LRP12: variants seen among roughly 807,000 people sequenced by gnomAD.
LRP12 encodes the protein low-density lipoprotein receptor-related protein 12.
In LRP12, 14 loss-of-function variants were observed where a neutral mutation model predicts 66.0. The ratio of observed to expected loss-of-function variants is 0.21; its 90% CI spans 0.14 to 0.33. The LOEUF is 0.33. Among genes scored for constraint, LRP12 ranks in the 10% least tolerant of loss-of-function variants. The pLI is 1.00. For synonymous variants in LRP12, 357 were observed against 359.1 expected, an observed-to-expected ratio of 0.99 and a Z score of 0.07; for missense variants, 889 against 1,053.4, an observed-to-expected ratio of 0.84 and a Z score of 2.16.
At chr8:104,555,712 T>C (rs952564835) in intron 1 of LRP12, among the ~76,000 whole-genome samples, 1 of 152,086 alleles carries the variant, frequency 6.6e-6, no homozygotes, top group African/African-American at 2.4e-5. Flanking sequence ...ACAATATTAG[T>C]GGCAGACTTC....
In LRP12 at chr8:104,518,516, T is replaced by A. The variant is rs537854978; in HGVS notation, c.137-9442A>T. Among the ~76,000 whole-genome samples the A allele has an allele frequency of 3.9e-5, 6 of 152,162 alleles. No homozygotes were observed. The East Asian group carries it at 1.2e-3, about 29-fold the overall frequency. On this transcript the variant is annotated intron_variant, in intron 2 of 6. Coordinates refer to ENST00000276654, the MANE Select transcript of LRP12 (RefSeq NM_013437.5). The stretch of plus-strand genomic sequence containing the variant: ...GTGGAAGGGAGCCGTTTCAATAGCA[T>A]TTAAATGACAAAAGTGGTCTATTCT...
At chr8:104,547,653 ATATAATATAATTC>A (rs1811611148) in intron 1 of LRP12, among the ~76,000 whole-genome samples, 1 of 118,948 alleles carries the variant, frequency 8.4e-6, no homozygotes, top group African/African-American at 3.7e-5. Context: ...AATAATTAAA[ATATAATATAATTC>A]TATATTATAT....
chr8:104,495,122 A>G lies in LRP12; in HGVS notation c.1668T>C (p.Gly556=). 1.2e-6 allele frequency: 2 copies of G among 1,613,954 alleles called. No individual in the cohort carries two copies. The highest frequency in any genetic ancestry group is 8.5e-7 in the Non-Finnish European group (1 of 1,179,914). ...PPSYGQLIAQ[G]LIPPVEDFPV... is the part of the protein sequence containing the mutation. ...GAAAATCTTCAACTGGTGGAATTAA[A>G]CCCTGAGCAATCAATTGTCCATACG... The change falls in exon 6 of 7, where the codon GGT becomes GGC. Residue 556 remains glycine (G), a synonymous_variant. Transcript: ENST00000276654.
chr8:104,500,783 C>T (rs1157549886), intron 3 of LRP12, among the ~76,000 whole-genome samples: 1 of 152,004 alleles, frequency 6.6e-6, no homozygotes, highest in Non-Finnish European at 1.5e-5. Context: ...ACAAGAATTT[C>T]TCTAGGACAA....
chr8:104,535,513 T>C (rs1248279810), intron 1 of LRP12, among the ~76,000 whole-genome samples: 1 of 152,036 alleles, frequency 6.6e-6, no homozygotes, highest in East Asian at 1.9e-4. Flanking sequence ...TATATATTTC[T>C]GTCCTTTTTA....
chr8:104,506,995 G>A (rs116940182), intron 3 of LRP12: 2 of 151,986 alleles, frequency 1.3e-5, no homozygotes, highest in Non-Finnish European at 1.5e-5. Context: ...ATGCTTCAAA[G>A]CATCTGTGTA....
intron 1 of LRP12, among the ~76,000 whole-genome samples, chr8:104,552,226 T>C (rs986837650): frequency 2.6e-5 from 4 of 152,186 alleles, no homozygotes; most frequent in Non-Finnish European, 5.9e-5. Flanking sequence ...GACTTTGCTC[T>C]GCATTAGCTT....
At chr8:104,498,217 T>A in intron 4 of LRP12, 141 bp from the exon 5 acceptor site, 14 of 789,842 alleles carry the variant, frequency 1.8e-5, no homozygotes, top group Non-Finnish European at 2.3e-5. Context: ...CAGGTTGGTT[T>A]TTTAATATTT....
chr8:104,578,077 C>T (rs1435176266), intron 1 of LRP12, among the ~76,000 whole-genome samples: 1 of 149,804 alleles, frequency 6.7e-6, no homozygotes, highest in South Asian at 2.1e-4. Flanking sequence ...GACTGAGATG[C>T]AAAAAACCAT....
At chr8:104,548,189 T>TTA (rs1554709910) in intron 1 of LRP12, among the ~76,000 whole-genome samples, 1 of 91,578 alleles carries the variant, frequency 1.1e-5, no homozygotes. Flanking sequence ...ATATAATATA[T>TTA]ATATAAATAT....
At chr8:104,557,235 T>C (rs1162672247) in intron 1 of LRP12, among the ~76,000 whole-genome samples, 6 of 152,166 alleles carry the variant, frequency 3.9e-5, no homozygotes, top group Non-Finnish European at 7.3e-5. Flanking sequence ...TATTCAAGGA[T>C]GCCCACTTTC....
At chr8:104,541,718 T>C (rs1811480528) in intron 1 of LRP12, among the ~76,000 whole-genome samples, 2 of 152,162 alleles carry the variant, frequency 1.3e-5, no homozygotes, top group Non-Finnish European at 2.9e-5. Context: ...TCTGTATGGA[T>C]TTGCCTATTC....
rs1812301284 is a variant in LRP12 at position 104,584,472 on chromosome 8, A to T, written c.79+4347T>A. Among the ~76,000 whole-genome samples, 3 of 151,998 alleles carry T rather than the reference A, an allele frequency of 2.0e-5. No individual in the cohort carries two copies. In the South Asian group the frequency reaches 6.2e-4, roughly 31 times the overall value. ...TATTTTAATAAGCTTTAAATTTTCTAATTACAAAAGTAAATCTCAACATTT... is the reference window on the plus strand; with the variant it reads ...TATTTTAATAAGCTTTAAATTTTCTTATTACAAAAGTAAATCTCAACATTT... On this transcript the variant is annotated intron_variant, in intron 1 of 6. Coordinates refer to ENST00000276654, the MANE Select transcript of LRP12 (RefSeq NM_013437.5).
Position 104,498,068 on chromosome 8 carries a change from C to G in LRP12, c.484G>C (p.Glu162Gln). Residue 162 changes from glutamate (E) to glutamine (Q), a missense_variant, in exon 5 of 7, where the codon GAG becomes CAG. Transcript: ENST00000276654. ...TGATCACAAGCACAATTTGGTTCCT[C>G]AGATTTCCCTGTGAAGATGTGAGTA... ...FRLAYFSGKSEEPNCACDQFR... is the reference protein window; with the variant it reads ...FRLAYFSGKSQEPNCACDQFR... 1 of 1,588,616 alleles carries G rather than the reference C, an allele frequency of 6.3e-7. No homozygotes were observed.
Position 104,490,759 on chromosome 8 carries a change from C to T in LRP12, c.2494G>A (p.Val832Ile). 1.2e-6 allele frequency: 2 copies of T among 1,614,094 alleles called. No homozygotes were observed. Among genetic ancestry groups the T allele is most frequent in the Non-Finnish European group, 1.7e-6 (2 of 1,179,996 alleles). The change falls in exon 7 of 7, where the codon GTC (valine) becomes ATC (isoleucine). Residue 832 changes from valine to isoleucine, a missense_variant. Physicochemically the swap from Val to Ile is conservative, Grantham distance 29. Around this residue, in one of 3 missense-constraint regions of LRP12, gnomAD observed 800 missense variants for 964.5 expected, o/e 0.83. Transcript: ENST00000276654. The part of the protein sequence containing the change: ...RDGPCERCGI[V>I]HTAQIPDTCL... Reference sequence around the variant, plus strand: ...GTGTCTGGTATCTGGGCAGTGTGGACAATACCACAGCGCTCACAGGGGCCA... The same window carrying T: ...GTGTCTGGTATCTGGGCAGTGTGGATAATACCACAGCGCTCACAGGGGCCA...
rs1812389408 is a variant in LRP12, at chr8:104,588,976, C to CCGCCGCCGCCGT, written c.-80_-79insACGGCGGCGGCG. On this transcript the variant is annotated 5_prime_UTR_variant, in exon 1 of 7. Transcript: ENST00000276654. ...CTGGAGGTAGACGACGCCGACGCCG[C>CCGCCGCCGCCGT]CGCCGCCGCCGCCGCCGCCGCCGAG... The CCGCCGCCGCCGT allele has an allele frequency of 1.5e-6, 1 of 648,284 alleles. No homozygotes were observed. Among genetic ancestry groups the CCGCCGCCGCCGT allele is most frequent in the African/African-American group, 2.5e-5 (1 of 40,426 alleles). The allele number at this position is 648,284 out of a possible 1,614,324, so 40.2% of individuals were successfully genotyped here.
chr8:104,493,037 C>T (rs1298867767), intron 6 of LRP12, among the ~76,000 whole-genome samples: 2 of 152,106 alleles, frequency 1.3e-5, no homozygotes, highest in Non-Finnish European at 2.9e-5. Flanking sequence ...ATCAACAATG[C>T]CTTCAACATA....
chr8:104,512,785 T>C (rs1588487847), intron 2 of LRP12, among the ~76,000 whole-genome samples: 1 of 152,126 alleles, frequency 6.6e-6, no homozygotes, highest in East Asian at 1.9e-4. Flanking sequence ...AAAATACATT[T>C]TGTGAATATT....
chr8:104,511,021 G>C (rs900378452), intron 2 of LRP12, among the ~76,000 whole-genome samples: 4 of 138,728 alleles, frequency 2.9e-5, no homozygotes, highest in African/African-American at 1.1e-4. Context: ...TTGTAATTTG[G>C]AAAAATGACT....
Sources: gnomAD v4.1 joint callset for allele counts (sites outside exome capture counted in the v4.1 genomes callset) on GRCh38, gnomAD v4.1.1 for gene constraint, gnomAD v4.1.1 regional missense constraint, MANE v1.5 for transcripts, NCBI Gene and HGNC (gene_info 2026-07-23, HGNC 2026-07-21) for gene names.